LMNB1: variants seen among roughly 807,000 people sequenced by gnomAD.
LMNB1 encodes lamin-B1.
A neutral mutation model predicts 67.1 loss-of-function variants in LMNB1; 23 were observed. The ratio of observed to expected loss-of-function variants is 0.34; its 90% confidence interval spans 0.25 to 0.49. The LOEUF (loss-of-function observed/expected upper bound fraction) is 0.49, where lower values mean the gene tolerates loss of function less well. LMNB1 is among the 20% of genes least tolerant of loss of function. The probability of loss-of-function intolerance (pLI) is 0.99; values close to 1 mark genes in which losing one functional copy is unlikely to be tolerated. For missense variants in LMNB1, 634 were observed against 746.5 expected (o/e 0.85, Z 1.76); for synonymous variants, 281 against 282.9 (o/e 0.99, Z 0.07).
intron 5 of LMNB1, among the ~76,000 whole-genome samples, chr5:126,818,342 G>T (rs146612690): frequency 6.6e-6 from 1 of 151,246 alleles, no homozygotes; most frequent in Non-Finnish European, 1.5e-5. Context: ...GGGTTCAAGC[G>T]ATTGTCCTGC....
chr5:126,803,664 A>C (rs536118662), intron 1 of LMNB1, among the ~76,000 whole-genome samples: 1 of 152,228 alleles, frequency 6.6e-6, no homozygotes, highest in South Asian at 2.1e-4. Flanking sequence ...CTCCTGCCTG[A>C]GCCTCTCGAG....
chr5:126,789,101 TG>T (rs1488675780), intron 1 of LMNB1, among the ~76,000 whole-genome samples: 1 of 152,002 alleles, frequency 6.6e-6, no homozygotes, highest in Non-Finnish European at 1.5e-5. Flanking sequence ...TTTCCCAGGC[TG>T]GTCTTGAACT....
chr5:126,835,300 G>A (rs184090308), intron 10 of LMNB1, among the ~76,000 whole-genome samples: 19 of 152,318 alleles, frequency 1.2e-4, no homozygotes, highest in African/African-American at 2.9e-4. Context: ...GAATCCAATC[G>A]CCTTTTGAAT....
chr5:126,793,281 C>T (rs1338470574), intron 1 of LMNB1, among the ~76,000 whole-genome samples: 1 of 151,594 alleles, frequency 6.6e-6, no homozygotes, highest in Admixed American at 6.6e-5. Flanking sequence ...TTAATCTGTA[C>T]GAGTCTGCTC....
intron 2 of LMNB1, 72 bp from the exon 3 acceptor site, chr5:126,805,499 C>A: frequency 1.0e-6 from 1 of 993,384 alleles, no homozygotes; most frequent in Non-Finnish European, 1.5e-6. Flanking sequence ...TGATTTGATT[C>A]ATAGATATCT....
Position 126,810,167 on chromosome 5 carries a change from G to GTGT in LMNB1, c.643-12_643-11insGTT, listed in dbSNP as rs1751547857. On this transcript the variant is annotated splice_polypyrimidine_tract_variant and intron_variant, in intron 3 of 10. Coordinates refer to ENST00000261366, the MANE Select transcript of LMNB1 (RefSeq NM_005573.4). ...TAAGTAGCTTGGCTTTATGCTTTTT[G>GTGT]TTTTTTCCCCAGGAGATTAACGAGA... is the stretch of plus-strand genomic sequence containing the variant. The GTGT allele has an allele frequency of 6.2e-7, 1 of 1,602,276 alleles. No homozygotes were observed. Among genetic ancestry groups the GTGT allele is most frequent in the Non-Finnish European group, 8.5e-7 (1 of 1,170,740 alleles).
At chr5:126,821,633 T>C (rs2126729895) in intron 7 of LMNB1, among the ~76,000 whole-genome samples, 1 of 152,334 alleles carries the variant, frequency 6.6e-6, no homozygotes, top group Admixed American at 6.5e-5. Flanking sequence ...TGAAGCCTTA[T>C]TTTGAAATAT....
intron 9 of LMNB1, among the ~76,000 whole-genome samples, chr5:126,829,134 A>G (rs1752069646): frequency 6.6e-6 from 1 of 151,660 alleles, no homozygotes; most frequent in South Asian, 2.1e-4. Flanking sequence ...TTTGTTTCTT[A>G]TGTTTTTTTT....
In LMNB1 at chr5:126,822,807, G is replaced by T; in HGVS notation, c.1413G>T (p.Met471Ile). 6.2e-7 allele frequency: 1 copy of T among 1,612,514 alleles called. No individual in the cohort carries two copies. Among genetic ancestry groups the T allele is most frequent in the Admixed American group, 1.7e-5 (1 of 59,990 alleles). Residue 471 changes from methionine to isoleucine, a missense_variant, in exon 8 of 11, where the codon ATG (methionine) becomes ATT (isoleucine). Met to Ile is a conservative substitution (Grantham distance 10). Coordinates refer to ENST00000261366, the MANE Select transcript of LMNB1 (RefSeq NM_005573.4). ...ATCAACCAATGGGAGGCTGGGAGAT[G>T]ATCAGAAAAATTGGAGACACATCAG... The part of the protein sequence containing the change: ...EQDQPMGGWE[M>I]IRKIGDTSVS...
At position 126,822,844 on chromosome 5, in the gene LMNB1, T is replaced by C; in HGVS notation, c.1450T>C (p.Tyr484His). Residue 484 changes from tyrosine (Y) to histidine (H), a missense_variant, in exon 8 of 11, where the codon TAT becomes CAT. Coordinates refer to ENST00000261366, the MANE Select transcript of LMNB1 (RefSeq NM_005573.4). ...KIGDTSVSYKYTSRYVLKAGQ... is the reference protein window; with the variant it reads ...KIGDTSVSYKHTSRYVLKAGQ... ...TGGAGACACATCAGTCAGTTATAAA[T>C]ATACCTCAAGATATGTGCTGAAGGC... is the stretch of plus-strand genomic sequence containing the variant. 1 of 1,612,294 alleles carries C rather than the reference T, an allele frequency of 6.2e-7. No individual in the cohort carries two copies.
At chr5:126,832,583 A>T in intron 9 of LMNB1, 111 bp from the exon 10 acceptor site, 1 of 689,514 alleles carries the variant, frequency 1.5e-6, no homozygotes, top group Non-Finnish European at 2.5e-6. Flanking sequence ...TACAGGTGTG[A>T]GCCACTGCGC....
At chr5:126,829,530 T>C (rs1003923009) in intron 9 of LMNB1, among the ~76,000 whole-genome samples, 2 of 151,810 alleles carry the variant, frequency 1.3e-5, no homozygotes, top group South Asian at 4.2e-4. Flanking sequence ...CCTGTATTCA[T>C]ACCACTTTCT....
intron 1 of LMNB1, among the ~76,000 whole-genome samples, chr5:126,802,775 CT>C (rs1751316923): frequency 6.6e-6 from 1 of 152,048 alleles, no homozygotes; most frequent in Non-Finnish European, 1.5e-5. Context: ...CTCTGTGTAA[CT>C]ACTGTTAATA....
chr5:126,778,008 C>T, intron 1 of LMNB1, 141 bp downstream of exon 1: 1 of 755,746 alleles, frequency 1.3e-6, no homozygotes, highest in South Asian at 2.9e-5. Context: ...GTCTCGGTCT[C>T]CGGAAAGGAG....
chr5:126,785,474 C>T (rs1303119261), intron 1 of LMNB1, among the ~76,000 whole-genome samples: 6 of 146,292 alleles, frequency 4.1e-5, no homozygotes, highest in African/African-American at 1.5e-4. Context: ...TTTTCTTTTT[C>T]TTTTTCTTTT....
chr5:126,782,847 C>G (rs1188764698), intron 1 of LMNB1, among the ~76,000 whole-genome samples: 1 of 151,880 alleles, frequency 6.6e-6, no homozygotes, highest in African/African-American at 2.4e-5. Flanking sequence ...TGTGCCTGGT[C>G]AAAAACATGC....
chr5:126,789,679 G>T (rs1750901742), intron 1 of LMNB1, among the ~76,000 whole-genome samples: 1 of 151,990 alleles, frequency 6.6e-6, no homozygotes, highest in Admixed American at 6.6e-5. Context: ...AGTTTCCTTT[G>T]AATTTTTTTT....
At chr5:126,787,544 A>ATTTTTTT (rs1222029249) in intron 1 of LMNB1, among the ~76,000 whole-genome samples, 2 of 76,298 alleles carry the variant, frequency 2.6e-5, no homozygotes, top group Admixed American at 1.7e-4. Flanking sequence ...ATATATATAT[A>ATTTTTTT]TATTTTTTTT....
rs1193878907 is a variant in LMNB1 at position 126,804,663 on chromosome 5, T to G, written c.360-113T>G. ...GAATTGCTTCTCTAATTTTGATAGG[T>G]GATGGGAGCCTTTATTTAAACTACT... On this transcript the variant is annotated intron_variant, in intron 1 of 10. Transcript: ENST00000261366. 6.6e-6 allele frequency: 6 copies of G among 914,634 alleles called. No homozygotes were observed. In the East Asian group the frequency reaches 1.6e-4, roughly 25 times the overall value. The allele number at this position is 914,634 out of a possible 1,614,324, so 56.7% of individuals were successfully genotyped here. A position where few individuals can be genotyped will look rare whatever the true frequency, so the allele number is the denominator to read the frequency against.
Sources: gnomAD v4.1 joint callset for allele counts (sites outside exome capture counted in the v4.1 genomes callset) on GRCh38, gnomAD v4.1.1 for gene constraint, MANE v1.5 for transcripts, NCBI Gene and HGNC (gene_info 2026-07-23, HGNC 2026-07-21) for gene names.